The following KIF16B variants were observed in gnomAD, a reference collection of about 807,000 sequenced individuals.
KIF16B encodes the protein kinesin family member 16B.
A neutral mutation model predicts 156.3 loss-of-function variants in KIF16B; 98 were observed. The observed-to-expected ratio is 0.63, with a 90% confidence interval of 0.53 to 0.74. The LOEUF is 0.74. Among genes scored for constraint, KIF16B ranks in the 30% least tolerant of loss-of-function variants. The pLI, the probability that KIF16B is intolerant of heterozygous loss-of-function variation, is 0.00. For missense variants in KIF16B, 1,421 were observed against 1,606.5 expected (o/e 0.88, Z 1.97); for synonymous variants, 564 against 583.7 (o/e 0.97, Z 0.49).
chr20:16,494,255 C>G, intron 12 of KIF16B, 36 bp downstream of exon 12: 1 of 1,306,204 alleles, frequency 7.7e-7, no homozygotes, highest in Non-Finnish European at 1.1e-6. Flanking sequence ...GTTTAATCCA[C>G]CATAGTAAGA....
At chr20:16,285,757 C>A (rs1008153249) in intron 25 of KIF16B, among the ~76,000 whole-genome samples, 2 of 152,132 alleles carry the variant, frequency 1.3e-5, no homozygotes, top group African/African-American at 2.4e-5. Context: ...GTTGAGGCTG[C>A]AGTTGAGCCA....
At chr20:16,453,417 T>C (rs539899163) in intron 12 of KIF16B, among the ~76,000 whole-genome samples, 12 of 152,226 alleles carry the variant, frequency 7.9e-5, no homozygotes, top group African/African-American at 2.6e-4. Context: ...AATCTGAACA[T>C]ACTATATGTT....
chr20:16,528,098 TGC>T (rs1196809941), intron 2 of KIF16B, among the ~76,000 whole-genome samples: 1 of 152,058 alleles, frequency 6.6e-6, no homozygotes, highest in Non-Finnish European at 1.5e-5. Context: ...AGGATGAAAA[TGC>T]CCGAATCTGG....
chr20:16,326,830 C>A (rs112997658), intron 24 of KIF16B, among the ~76,000 whole-genome samples: 2 of 151,656 alleles, frequency 1.3e-5, no homozygotes, highest in Non-Finnish European at 2.9e-5. Flanking sequence ...TGGGTATCGA[C>A]CCAGAGGAAA....
At chr20:16,514,904 A>G (rs866890743) in intron 4 of KIF16B, among the ~76,000 whole-genome samples, 3,380 of 147,434 alleles carry the variant, frequency 0.023, 144 homozygotes, top group African/African-American at 0.082. Flanking sequence ...AAAAAAAAAA[A>G]AAAAAAAAAA....
intron 17 of KIF16B, among the ~76,000 whole-genome samples, chr20:16,394,013 C>T (rs1049386874): frequency 3.3e-5 from 5 of 152,298 alleles, no homozygotes; most frequent in East Asian, 1.9e-4. Context: ...GCCGGTGACA[C>T]GTAATCAAGT....
chr20:16,351,806 G>C (rs2064344285), intron 23 of KIF16B, among the ~76,000 whole-genome samples: 1 of 152,236 alleles, frequency 6.6e-6, no homozygotes. Flanking sequence ...GTAAAACAAA[G>C]TGGGGAGAGG....
intron 25 of KIF16B, among the ~76,000 whole-genome samples, chr20:16,282,280 G>A (rs911197811): frequency 8.6e-5 from 13 of 151,728 alleles, no homozygotes; most frequent in Admixed American, 2.0e-4. Context: ...TGATATGCCC[G>A]CCTCAGCCTC....
At chr20:16,447,514 C>T (rs2066966563) in intron 12 of KIF16B, among the ~76,000 whole-genome samples, 1 of 151,886 alleles carries the variant, frequency 6.6e-6, no homozygotes, top group Non-Finnish European at 1.5e-5. Context: ...TGGCTCACAC[C>T]TGTAATCCCA....
chr20:16,503,088 C>A (rs907831543), intron 10 of KIF16B, among the ~76,000 whole-genome samples: 1 of 152,036 alleles, frequency 6.6e-6, no homozygotes, highest in Non-Finnish European at 1.5e-5. Flanking sequence ...TGGTGGCAGG[C>A]ACCTCCCAGC....
chr20:16,508,363 C>T lies in KIF16B; in HGVS notation c.557-263G>A, dbSNP rs138091974. On this transcript the variant is annotated intron_variant, in intron 6 of 25. Transcript: ENST00000354981. The stretch of plus-strand genomic sequence containing the variant: ...ACCTCACTGTGCCTCAGTTACCTCA[C>T]GTGATCATGTGTACCTACCACATAG... Among the ~76,000 whole-genome samples, 441 of 152,254 alleles carry T rather than the reference C, an allele frequency of 2.9e-3. 1 individual carries two copies. Among genetic ancestry groups the T allele is most frequent in the African/African-American group, 9.6e-3 (399 of 41,554 alleles).
At chr20:16,420,745 T>C (rs1462944826) in intron 15 of KIF16B, among the ~76,000 whole-genome samples, 1 of 152,024 alleles carries the variant, frequency 6.6e-6, no homozygotes, top group Non-Finnish European at 1.5e-5. Flanking sequence ...ATGGGCCAAA[T>C]ACAGTGAGGT....
At chr20:16,359,615 A>G (rs2064511478) in intron 22 of KIF16B, among the ~76,000 whole-genome samples, 1 of 151,600 alleles carries the variant, frequency 6.6e-6, no homozygotes, top group South Asian at 2.1e-4. Context: ...TCCCTAATAA[A>G]AGGAAAGCTG....
At chr20:16,520,733 G>A (rs1165886249) in intron 3 of KIF16B, among the ~76,000 whole-genome samples, 4 of 152,316 alleles carry the variant, frequency 2.6e-5, no homozygotes, top group East Asian at 3.9e-4. Flanking sequence ...CCTCCTGACT[G>A]AGAGACACCT....
chr20:16,513,065 C>G (rs142027237), intron 4 of KIF16B, 142 bp from the exon 5 acceptor site: 7,453 of 604,664 alleles, frequency 0.012, 82 homozygotes, highest in Middle Eastern at 0.045. Context: ...CCATATACCC[C>G]CTCCAGGGCT....
At chr20:16,426,289 T>C (rs1339384403) in intron 15 of KIF16B, among the ~76,000 whole-genome samples, 2 of 151,886 alleles carry the variant, frequency 1.3e-5, no homozygotes, top group East Asian at 3.9e-4. Flanking sequence ...AGCCAAACCA[T>C]ATCAACAGGT....
chr20:16,368,017 A>G, intron 22 of KIF16B: 1 of 1,416,254 alleles, frequency 7.1e-7, no homozygotes, highest in South Asian at 1.5e-5. Flanking sequence ...TGACTGAAGC[A>G]GGAGCAAACA....
intron 1 of KIF16B, among the ~76,000 whole-genome samples, chr20:16,542,073 T>C (rs1275939449): frequency 2.0e-5 from 3 of 152,132 alleles, no homozygotes; most frequent in African/African-American, 7.2e-5. Context: ...GTGGCAGCAT[T>C]CACCACTACA....
intron 25 of KIF16B, among the ~76,000 whole-genome samples, chr20:16,275,201 G>C (rs945106517): frequency 6.6e-6 from 1 of 151,948 alleles, no homozygotes; most frequent in Non-Finnish European, 1.5e-5. Context: ...CTACAGGCAT[G>C]TGCCACCATG....
Sources: allele counts gnomAD v4.1 joint callset (sites outside exome capture counted in the v4.1 genomes callset), GRCh38; gene constraint gnomAD v4.1.1; transcripts MANE v1.5; gene names NCBI Gene and HGNC (gene_info 2026-07-23, HGNC 2026-07-21).